The following PPP2R2C variants were observed in gnomAD, a reference collection of about 807,000 sequenced individuals.
PPP2R2C encodes protein phosphatase 2, regulatory subunit B, gamma.
Under a neutral mutation model 45.3 loss-of-function variants are expected in PPP2R2C, and 10 were observed. The ratio of observed to expected loss-of-function variants is 0.22; its 90% CI spans 0.14 to 0.37. PPP2R2C has a LOEUF of 0.37. PPP2R2C is among the 10% of genes least tolerant of loss of function. PPP2R2C has a pLI of 1.00. For synonymous variants in PPP2R2C, 257 were observed against 245.4 expected (o/e 1.05, Z -0.44); for missense variants, 308 against 619.7 (o/e 0.50, Z 5.34).
chr4:6,360,855 G>A (rs1275189012), intron 5 of PPP2R2C, among the ~76,000 whole-genome samples: 1 of 152,156 alleles, frequency 6.6e-6, no homozygotes, highest in Admixed American at 6.5e-5. Flanking sequence ...AGCAGGGCTG[G>A]CTCCTTCTGA....
intron 1 of PPP2R2C, chr4:6,382,169 T>C (rs1020290184): frequency 2.4e-5 from 29 of 1,201,658 alleles, no homozygotes; most frequent in Middle Eastern, 7.4e-4. Context: ...TTCCAGTATG[T>C]CTTGGAAGAT....
rs1019366001 is a variant in PPP2R2C at position 6,417,086 on chromosome 4, G to A, written c.71-35992C>T. Among the ~76,000 whole-genome samples the A allele has an allele frequency of 1.2e-4, 18 of 152,230 alleles. 1 individual carries two copies. The highest frequency in any genetic ancestry group is 3.9e-4 in the East Asian group (2 of 5,188). ...AACCTAAGCCAGGTCCTGCAGCACC[G>A]GCAGCTGGGCAGTGGCAGTGAGGTT... is the stretch of plus-strand genomic sequence containing the variant. On this transcript the variant is annotated intron_variant, in intron 1 of 8. Transcript: ENST00000382599.
chr4:6,549,685 T>C (rs920766322), intron 1 of PPP2R2C, among the ~76,000 whole-genome samples: 1 of 152,082 alleles, frequency 6.6e-6, no homozygotes, highest in Non-Finnish European at 1.5e-5. Flanking sequence ...CCCCTCCTCA[T>C]CCCTAGGGAG....
chr4:6,508,591 AAAAAAGAAAAAG>A (rs917364517), intron 2 of PPP2R2C, among the ~76,000 whole-genome samples: 3 of 152,154 alleles, frequency 2.0e-5, no homozygotes, highest in African/African-American at 7.2e-5. Flanking sequence ...TCCATCTCAA[AAAAAAGAAAAAG>A]AAAAAGAAAA....
intron 1 of PPP2R2C, among the ~76,000 whole-genome samples, chr4:6,544,161 A>G (rs767774858): frequency 2.8e-4 from 43 of 152,192 alleles, no homozygotes; most frequent in Non-Finnish European, 4.9e-4. Flanking sequence ...GAGCAGAAAG[A>G]CAGTGGAGCC....
chr4:6,471,739 A>C lies in PPP2R2C; in HGVS notation c.70+421T>G. The stretch of plus-strand genomic sequence containing the variant: ...TCTCCAGGGAGAGGGCAGCCTAGAA[A>C]ATTCTGCGGGCTTTGGGCAGGGCTG... On this transcript the variant is annotated intron_variant, in intron 1 of 8. Transcript: ENST00000382599. This position sits in a 1 kb window ranked among gnomAD's most constrained non-coding sequence, Gnocchi z 5.6. 6.2e-6 allele frequency: 1 copy of C among 161,670 alleles called. No individual in the cohort carries two copies. The highest frequency in any genetic ancestry group is 1.3e-5 in the Non-Finnish European group (1 of 74,548). The allele number at this position is 161,670 out of a possible 1,614,324, so 10.0% of individuals were successfully genotyped here. A position where few individuals can be genotyped will look rare whatever the true frequency, so the allele number is the denominator to read the frequency against.
At chr4:6,381,337 T>TG in intron 1 of PPP2R2C, 7 of 1,510,958 alleles carry the variant, frequency 4.6e-6, no homozygotes, top group Non-Finnish European at 6.2e-6. Flanking sequence ...GGCACAGGCC[T>TG]GGGGCGACCA....
intron 2 of PPP2R2C, among the ~76,000 whole-genome samples, chr4:6,498,979 A>C (rs1722961646): frequency 6.6e-6 from 1 of 152,002 alleles, no homozygotes; most frequent in Non-Finnish European, 1.5e-5. Flanking sequence ...TCCCTCTGGA[A>C]CTTCATCTAA....
intron 1 of PPP2R2C, among the ~76,000 whole-genome samples, chr4:6,422,418 G>C (rs949821504): frequency 4.6e-5 from 7 of 152,162 alleles, no homozygotes; most frequent in African/African-American, 9.7e-5. Flanking sequence ...TTTTTATATG[G>C]GGGAAATACT....
intron 2 of PPP2R2C, among the ~76,000 whole-genome samples, chr4:6,514,423 G>T (rs1187866919): frequency 6.6e-6 from 1 of 152,230 alleles, no homozygotes; most frequent in African/African-American, 2.4e-5. Flanking sequence ...TAGAAGAGGT[G>T]ATTGGTGATC....
intron 1 of PPP2R2C, among the ~76,000 whole-genome samples, chr4:6,450,473 C>G (rs1328753898): frequency 6.6e-6 from 1 of 152,182 alleles, no homozygotes; most frequent in Non-Finnish European, 1.5e-5. Context: ...TCACCAAGCA[C>G]TGGAAGGAGA....
chr4:6,501,300 G>GGGCT (rs1449092231), intron 2 of PPP2R2C, among the ~76,000 whole-genome samples: 1 of 152,094 alleles, frequency 6.6e-6, no homozygotes, highest in Non-Finnish European at 1.5e-5. Context: ...GGGACCTGAT[G>GGGCT]GGCTGGCACA....
At chr4:6,508,774 A>G (rs1723326497) in intron 2 of PPP2R2C, among the ~76,000 whole-genome samples, 1 of 152,172 alleles carries the variant, frequency 6.6e-6, no homozygotes, top group Non-Finnish European at 1.5e-5. Context: ...CAATGAGCAC[A>G]CGCACAACTT....
intron 2 of PPP2R2C, among the ~76,000 whole-genome samples, chr4:6,481,872 C>A (rs775711727): frequency 6.8e-6 from 1 of 147,754 alleles, no homozygotes; most frequent in African/African-American, 2.5e-5. Flanking sequence ...CCAGCTATTC[C>A]GGAGGCTGAG....
chr4:6,473,003 C>T (rs938195137), upstream of PPP2R2C, among the ~76,000 whole-genome samples: 3 of 151,936 alleles, frequency 2.0e-5, no homozygotes, highest in African/African-American at 7.3e-5. Context: ...AGAATGGGGA[C>T]TCGGGGGAGG....
chr4:6,387,915 T>C (rs755403), intron 1 of PPP2R2C, among the ~76,000 whole-genome samples: 79,501 of 152,076 alleles, frequency 0.52, 22,996 homozygotes, highest in African/African-American at 0.79. Flanking sequence ...TTATCATTCC[T>C]TACTTAGAGA....
rs1715499689 is a variant in PPP2R2C at position 6,378,220 on chromosome 4, C to G, written c.334+187G>C. 1.3e-6 allele frequency: 1 copy of G among 783,094 alleles called. No individual in the cohort carries two copies. Among genetic ancestry groups the G allele is most frequent in the Admixed American group, 6.3e-5 (1 of 15,944 alleles). The allele number at this position is 783,094 out of a possible 1,614,324, so 48.5% of individuals were successfully genotyped here. ...AGGGGGGCAGCCCTGTGTCCAGACA[C>G]AGGGAGCGTCTGAGGGGGTCTGGCA... On this transcript the variant is annotated intron_variant, in intron 3 of 8. Transcript: ENST00000382599. The surrounding 1 kb of genome is among the most constrained non-coding windows in gnomAD (Gnocchi z 5.2).
At chr4:6,348,832 C>G in intron 5 of PPP2R2C, 1 of 658,326 alleles carries the variant, frequency 1.5e-6, no homozygotes, top group Non-Finnish European at 1.9e-6. Flanking sequence ...CACCTGAAGC[C>G]ATTCCCCCCA....
intron 6 of PPP2R2C, among the ~76,000 whole-genome samples, chr4:6,334,662 C>G (rs1732702553): frequency 6.6e-6 from 1 of 152,156 alleles, no homozygotes; most frequent in Non-Finnish European, 1.5e-5. Flanking sequence ...CAGAGAGACC[C>G]AGGGAACGAT....
Sources: allele counts gnomAD v4.1 joint callset (sites outside exome capture counted in the v4.1 genomes callset), GRCh38; gene constraint gnomAD v4.1.1; non-coding constraint Gnocchi (gnomAD v3.1); transcripts MANE v1.5; gene names NCBI Gene and HGNC (gene_info 2026-07-23, HGNC 2026-07-21).